PHF24: variants seen among roughly 807,000 people sequenced by gnomAD.
PHF24 encodes the protein Galpha inhibitory interacting protein.
PHF24 carries 25 observed loss-of-function variants against 42.6 expected under a neutral mutation model. The ratio of observed to expected loss-of-function variants is 0.59; its 90% confidence interval spans 0.43 to 0.82. PHF24 has a LOEUF of 0.82. Among genes scored for constraint, PHF24 ranks in the 40% least tolerant of loss-of-function variants. The probability of loss-of-function intolerance (pLI) is 0.00; values close to 1 mark genes in which losing one functional copy is unlikely to be tolerated. For synonymous variants in PHF24, 185 were observed against 204.8 expected (o/e 0.90, Z 0.83); for missense variants, 470 against 538.1 (o/e 0.87, Z 1.25).
the PHF24 span, among the ~76,000 whole-genome samples, chr9:34,947,475 A>G: frequency 0.16 from 23,939 of 152,258 alleles, 2,459 homozygotes; most frequent in Non-Finnish European, 0.23. Flanking sequence ...TGCTAGTGAT[A>G]ATAAATGACT....
the PHF24 span, among the ~76,000 whole-genome samples, chr9:34,700,099 T>C: frequency 6.6e-6 from 1 of 151,702 alleles, no homozygotes; most frequent in African/African-American, 2.4e-5. Context: ...GAGTCAAGAG[T>C]GTATCTGAGG....
chr9:34,728,873 C>T, the PHF24 span, among the ~76,000 whole-genome samples: 1 of 152,028 alleles, frequency 6.6e-6, no homozygotes, highest in African/African-American at 2.4e-5. Context: ...AATTCTATAC[C>T]TCCCATCTGA....
At chr9:34,901,048 T>C in the PHF24 span, among the ~76,000 whole-genome samples, 1 of 152,236 alleles carries the variant, frequency 6.6e-6, no homozygotes, top group African/African-American at 2.4e-5. Flanking sequence ...CTGAATGGCC[T>C]TATATCCATT....
the PHF24 span, among the ~76,000 whole-genome samples, chr9:34,712,667 A>G: frequency 2.0e-4 from 30 of 150,434 alleles, no homozygotes; most frequent in Non-Finnish European, 4.1e-4. Flanking sequence ...TTCATACACC[A>G]TTTTTCAGAT....
chr9:34,958,255 G>GCCT (rs1554657792), upstream of PHF24: 42,208 of 153,050 alleles, frequency 0.28, 6,001 homozygotes, highest in Middle Eastern at 0.35. The surrounding 1 kb of genome is among the most constrained non-coding windows in gnomAD (Gnocchi z 4.5). Context: ...CGCCGCCGCC[G>GCCT]CCTCCTCAGC....
At chr9:34,947,943 C>T in the PHF24 span, among the ~76,000 whole-genome samples, 1 of 151,832 alleles carries the variant, frequency 6.6e-6, no homozygotes, top group Non-Finnish European at 1.5e-5. Context: ...CCCGTCTCTA[C>T]TAAAAATACA....
chr9:34,696,334 A>G, the PHF24 span, among the ~76,000 whole-genome samples: 1 of 152,048 alleles, frequency 6.6e-6, no homozygotes, highest in Non-Finnish European at 1.5e-5. Flanking sequence ...CTAAAAATAC[A>G]AAAATTAGCC....
the PHF24 span, chr9:34,681,199 T>TCCC: frequency 6.6e-6 from 1 of 152,240 alleles, no homozygotes; most frequent in Non-Finnish European, 1.5e-5. Context: ...GAGACTTGCC[T>TCCC]GGACCCACAG....
the PHF24 span, among the ~76,000 whole-genome samples, chr9:34,855,141 T>A: frequency 6.6e-6 from 1 of 152,172 alleles, no homozygotes; most frequent in African/African-American, 2.4e-5. Context: ...ATTTCCCCCA[T>A]CCTTTTATTT....
chr9:34,898,928 C>T, the PHF24 span, among the ~76,000 whole-genome samples: 1 of 152,204 alleles, frequency 6.6e-6, no homozygotes. Flanking sequence ...GGCCCTTGCT[C>T]CTCTGCCTCA....
At chr9:34,835,546 A>G in the PHF24 span, 1 of 1,551,720 alleles carries the variant, frequency 6.4e-7, no homozygotes. Flanking sequence ...AATTCAAGTG[A>G]TGCTGGCCTT....
At chr9:34,801,914 G>C in the PHF24 span, among the ~76,000 whole-genome samples, 8 of 150,946 alleles carry the variant, frequency 5.3e-5, no homozygotes, top group Non-Finnish European at 1.2e-4. Flanking sequence ...TGTTGGGGGT[G>C]GGGGGCAAGG....
At chr9:34,686,337 C>T in the PHF24 span, among the ~76,000 whole-genome samples, 1 of 152,072 alleles carries the variant, frequency 6.6e-6, no homozygotes, top group Non-Finnish European at 1.5e-5. Flanking sequence ...TGATCAAAAC[C>T]GTATGAAGCT....
At chr9:34,915,190 G>T in the PHF24 span, among the ~76,000 whole-genome samples, 3 of 151,836 alleles carry the variant, frequency 2.0e-5, no homozygotes, top group African/African-American at 7.2e-5. Context: ...ATACCACCAT[G>T]CCCTGCTAAA....
chr9:34,979,757 C>T (rs906285170), exon 8 of PHF24: 1 of 152,194 alleles, frequency 6.6e-6, no homozygotes, highest in African/African-American at 2.4e-5. Context: ...GTAGGAACCA[C>T]CTTAGCTGGA....
the PHF24 span, among the ~76,000 whole-genome samples, chr9:34,716,560 TTTTGC>T: frequency 4.7e-5 from 5 of 106,604 alleles, no homozygotes; most frequent in Admixed American, 2.1e-4. Context: ...GTTTGTTTTG[TTTTGC>T]TTTGTTTTGT....
intron 1 of PHF24, among the ~76,000 whole-genome samples, chr9:34,965,745 A>G (rs1257440735): frequency 6.6e-6 from 1 of 152,212 alleles, no homozygotes; most frequent in Non-Finnish European, 1.5e-5. Context: ...TTCTCTGTTA[A>G]TGAGTAAGTT....
chr9:34,697,363 A>AG, the PHF24 span, among the ~76,000 whole-genome samples: 1 of 152,096 alleles, frequency 6.6e-6, no homozygotes, highest in African/African-American at 2.4e-5. Flanking sequence ...TCTGTCACCC[A>AG]GGCTGGAGTG....
chr9:34,764,207 C>T, the PHF24 span, among the ~76,000 whole-genome samples: 1 of 152,208 alleles, frequency 6.6e-6, no homozygotes, highest in Non-Finnish European at 1.5e-5. Context: ...ATGATGCTGG[C>T]CTCATAAAAT....
Sources: gnomAD v4.1 joint callset for allele counts (sites outside exome capture counted in the v4.1 genomes callset) on GRCh38, gnomAD v4.1.1 for gene constraint, Gnocchi (gnomAD v3.1) non-coding constraint, MANE v1.5 for transcripts, NCBI Gene and HGNC (gene_info 2026-07-23, HGNC 2026-07-21) for gene names.